The following PCDHGA3 variants were observed in gnomAD, a reference collection of about 807,000 sequenced individuals.
PCDHGA3 encodes protocadherin gamma-A3.
Under a neutral mutation model 58.5 loss-of-function variants are expected in PCDHGA3, and 40 were observed. The ratio of observed to expected loss-of-function variants is 0.68; its 90% CI spans 0.53 to 0.89. The LOEUF (loss-of-function observed/expected upper bound fraction) is 0.89, where lower values mean the gene tolerates loss of function less well. PCDHGA3 is among the 40% of genes least tolerant of loss of function. The pLI is 0.00. For synonymous variants in PCDHGA3, 530 were observed against 525.7 expected (o/e 1.01, Z -0.11); for missense variants, 1,223 against 1,195.9 (o/e 1.02, Z -0.33).
intron 1 of PCDHGA3, among the ~76,000 whole-genome samples, chr5:141,471,869 G>A (rs1234106506): frequency 6.6e-6 from 1 of 152,172 alleles, no homozygotes; most frequent in Non-Finnish European, 1.5e-5. Flanking sequence ...AACTGTGGTT[G>A]CCTGAGGCTG....
chr5:141,494,197 C>T (rs73794924), intron 1 of PCDHGA3, among the ~76,000 whole-genome samples: 1,654 of 152,242 alleles, frequency 0.011, 27 homozygotes, highest in African/African-American at 0.037. Flanking sequence ...CTTGGATGCC[C>T]CGCAAAGGCC....
chr5:141,351,375 C>A, intron 1 of PCDHGA3: 1 of 1,612,582 alleles, frequency 6.2e-7, no homozygotes, highest in Non-Finnish European at 8.5e-7. Flanking sequence ...GACAAGGATT[C>A]TGGGCAAAAT....
At chr5:141,425,860 A>G (rs1445251215) in intron 1 of PCDHGA3, among the ~76,000 whole-genome samples, 1 of 152,248 alleles carries the variant, frequency 6.6e-6, no homozygotes, top group Non-Finnish European at 1.5e-5. Context: ...TGACTGTTCT[A>G]TAGATTCCCA....
chr5:141,393,932 C>T (rs758815375), intron 1 of PCDHGA3: 1 of 1,613,916 alleles, frequency 6.2e-7, no homozygotes, highest in East Asian at 2.2e-5. Context: ...GTGTGCATGA[C>T]CAAGACTCTG....
At position 141,356,571 on chromosome 5, in the gene PCDHGA3, C is replaced by T. The variant is rs775921422; in HGVS notation, c.2424+10114C>T. The stretch of plus-strand genomic sequence containing the variant: ...CACCCACTTTCCCTCATGCTTCCTA[C>T]TCTGCTTACATTCCTGAAAACAACC... On this transcript the variant is annotated intron_variant, in intron 1 of 3. Coordinates refer to ENST00000253812, the MANE Select transcript of PCDHGA3 (RefSeq NM_018916.4). 5.0e-6 allele frequency: 8 copies of T among 1,614,186 alleles called. No individual in the cohort carries two copies. The East Asian group carries it at 8.9e-5, about 18-fold the overall frequency.
At chr5:141,445,188 GTATTCTA>G (rs1223900471) in intron 1 of PCDHGA3, among the ~76,000 whole-genome samples, 1 of 152,080 alleles carries the variant, frequency 6.6e-6, no homozygotes, top group Non-Finnish European at 1.5e-5. Context: ...ATGTTTTTAT[GTATTCTA>G]TATGCTTTTG....
intron 1 of PCDHGA3, chr5:141,371,970 C>T: frequency 6.2e-7 from 1 of 1,613,250 alleles, no homozygotes; most frequent in East Asian, 2.2e-5. Context: ...CGAGCAGCTG[C>T]GTGCCTTCGA....
At chr5:141,419,109 A>T in intron 1 of PCDHGA3, 1 of 1,613,940 alleles carries the variant, frequency 6.2e-7, no homozygotes, top group Non-Finnish European at 8.5e-7. Flanking sequence ...CAGACCCCAG[A>T]GTACAACGTC....
chr5:141,372,619 C>A, intron 1 of PCDHGA3: 1 of 1,613,968 alleles, frequency 6.2e-7, no homozygotes, highest in South Asian at 1.1e-5. Context: ...GTTCTCCCCA[C>A]CTACAGCGAA....
intron 1 of PCDHGA3, chr5:141,384,367 T>G (rs1780005491): frequency 1.2e-6 from 2 of 1,613,766 alleles, no homozygotes; most frequent in African/African-American, 2.7e-5. Flanking sequence ...GATCACTTAT[T>G]CCTTGGCCGA....
chr5:141,467,923 T>C lies in PCDHGA3; in HGVS notation c.2425-26884T>C, dbSNP rs190816380. Among the ~76,000 whole-genome samples the C allele has an allele frequency of 3.9e-3, 588 of 151,590 alleles. 5 individuals carry two copies. Among genetic ancestry groups the C allele is most frequent in the Admixed American group, 0.011 (168 of 15,214 alleles). ...ATCCGCCCACCTCAGCCTCCCAAAA[T>C]GCTAGGATTACAAGCATGAGCCACC... On this transcript the variant is annotated intron_variant, in intron 1 of 3. Coordinates refer to ENST00000253812, the MANE Select transcript of PCDHGA3 (RefSeq NM_018916.4).
At chr5:141,447,657 C>A (rs997179275) in intron 1 of PCDHGA3, among the ~76,000 whole-genome samples, 4 of 152,088 alleles carry the variant, frequency 2.6e-5, no homozygotes, top group Non-Finnish European at 4.4e-5. Context: ...TTTTCCCCCC[C>A]AGGAAGTTAG....
chr5:141,345,270 G>C lies in PCDHGA3; in HGVS notation c.1237G>C (p.Glu413Gln), dbSNP rs760387404. ...AGTGACGGCCACATCCCTGGACCGC[G>C]AACAAATATCAGAATATAACATTAG... is the stretch of plus-strand genomic sequence containing the variant. ...RLVTATSLDR[E>Q]QISEYNISLR... Residue 413 changes from glutamate to glutamine, a missense_variant, in exon 1 of 4, where the codon GAA becomes CAA. This residue lies in a region of PCDHGA3 where 791 missense variants were observed against 708.5 expected (regional missense o/e 1.12). Coordinates refer to ENST00000253812, the MANE Select transcript of PCDHGA3 (RefSeq NM_018916.4). The C allele has an allele frequency of 6.2e-7, 1 of 1,613,894 alleles. No individual in the cohort carries two copies. The highest frequency in any genetic ancestry group is 8.5e-7 in the Non-Finnish European group (1 of 1,179,876).
chr5:141,371,824 C>G, intron 1 of PCDHGA3: 1 of 1,613,844 alleles, frequency 6.2e-7, no homozygotes, highest in Non-Finnish European at 8.5e-7. Flanking sequence ...GTCAGAGCCT[C>G]GGATCCCGAC....
At chr5:141,430,918 G>T (rs766412276) in intron 1 of PCDHGA3, 2 of 1,607,866 alleles carry the variant, frequency 1.2e-6, no homozygotes, top group South Asian at 2.2e-5. Context: ...GGGACCTGGG[G>T]CTGGAGCCCC....
chr5:141,384,102 T>C, intron 1 of PCDHGA3: 1 of 1,599,484 alleles, frequency 6.3e-7, no homozygotes, highest in Non-Finnish European at 8.5e-7. Context: ...TAGATAATTA[T>C]TATAGATTGG....
intron 1 of PCDHGA3, chr5:141,364,199 C>A: frequency 9.0e-7 from 1 of 1,116,560 alleles, no homozygotes; most frequent in Non-Finnish European, 1.2e-6. Context: ...ACACACAGAC[C>A]AGACAAGCTC....
At chr5:141,427,156 T>G (rs533425641) in intron 1 of PCDHGA3, 10 of 456,890 alleles carry the variant, frequency 2.2e-5, no homozygotes, top group African/African-American at 2.0e-4. Flanking sequence ...AATATGTTTG[T>G]GCTAGACCAT....
intron 1 of PCDHGA3, among the ~76,000 whole-genome samples, chr5:141,462,203 G>A (rs544238255): frequency 2.6e-5 from 4 of 152,036 alleles, no homozygotes; most frequent in East Asian, 1.9e-4. Flanking sequence ...CAGGTGATCC[G>A]CCTGCCTCGG....
Sources: allele counts gnomAD v4.1 joint callset (sites outside exome capture counted in the v4.1 genomes callset), GRCh38; gene constraint gnomAD v4.1.1; regional missense constraint gnomAD v4.1.1; transcripts MANE v1.5; gene names NCBI Gene and HGNC (gene_info 2026-07-23, HGNC 2026-07-21).